The following ANXA8 variants were observed in gnomAD, a reference collection of about 807,000 sequenced individuals.
The protein encoded by ANXA8 is VAC-beta.
ANXA8 carries 9 observed loss-of-function variants against 26.8 expected under a neutral mutation model. The ratio of observed to expected loss-of-function variants is 0.34; its 90% CI spans 0.20 to 0.59. The LOEUF is 0.59. Among genes scored for constraint, ANXA8 ranks in the 20% least tolerant of loss-of-function variants. ANXA8 has a pLI of 0.84. For missense variants in ANXA8, 83 were observed against 238.5 expected (o/e 0.35, Z 4.29); for synonymous variants, 39 against 94.8 (o/e 0.41, Z 3.42).
chr10:47,779,010 G>C, the ANXA8 span, among the ~76,000 whole-genome samples: 1 of 151,326 alleles, frequency 6.6e-6, no homozygotes, highest in Non-Finnish European at 1.5e-5. Flanking sequence ...CATAACATCA[G>C]TTATATTTAC....
the ANXA8 span, among the ~76,000 whole-genome samples, chr10:47,669,632 A>G: frequency 4.8e-4 from 72 of 151,550 alleles, no homozygotes; most frequent in African/African-American, 1.6e-3. Context: ...GGAGGATCGC[A>G]TGAGCCTGGG....
chr10:47,676,950 A>G, the ANXA8 span, among the ~76,000 whole-genome samples: 3 of 143,674 alleles, frequency 2.1e-5, no homozygotes, highest in Admixed American at 2.1e-4. Context: ...AAGGAAAAAT[A>G]GAATGTTAAA....
At chr10:47,968,145 A>G in the ANXA8 span, among the ~76,000 whole-genome samples, 1 of 150,112 alleles carries the variant, frequency 6.7e-6, no homozygotes, top group East Asian at 2.0e-4. Context: ...AGGCCCTGCC[A>G]CCACTGTGCT....
At chr10:47,894,476 CACCACACACTGG>C in the ANXA8 span, among the ~76,000 whole-genome samples, 1 of 145,806 alleles carries the variant, frequency 6.9e-6, no homozygotes, top group African/African-American at 2.6e-5. Flanking sequence ...CCAAACACTG[CACCACACACTGG>C]ACCACACACA....
chr10:47,881,825 T>TG, the ANXA8 span, among the ~76,000 whole-genome samples: 1 of 135,520 alleles, frequency 7.4e-6, no homozygotes, highest in Admixed American at 7.3e-5. Flanking sequence ...ATGTGCATGT[T>TG]TGTGTGTGTG....
At chr10:47,881,838 G>GA in the ANXA8 span, among the ~76,000 whole-genome samples, 1 of 142,320 alleles carries the variant, frequency 7.0e-6, no homozygotes, top group Admixed American at 7.0e-5. Flanking sequence ...TGTGTGTGTG[G>GA]ATATTTATGG....
chr10:47,496,129 C>T, the ANXA8 span: 1 of 151,644 alleles, frequency 6.6e-6, no homozygotes, highest in Non-Finnish European at 1.5e-5. Context: ...GCTGACGCTT[C>T]TGTGCAGGAA....
the ANXA8 span, among the ~76,000 whole-genome samples, chr10:47,613,516 GC>G: frequency 1.8e-5 from 2 of 112,540 alleles, no homozygotes; most frequent in Non-Finnish European, 4.0e-5. Context: ...TTTACTCTGA[GC>G]CCAAGATATT....
chr10:47,779,253 C>T, the ANXA8 span, among the ~76,000 whole-genome samples: 1 of 105,866 alleles, frequency 9.4e-6, no homozygotes, highest in African/African-American at 3.9e-5. Flanking sequence ...TGGCAAGAAG[C>T]ATCCAGCAAA....
the ANXA8 span, among the ~76,000 whole-genome samples, chr10:47,637,329 G>A: frequency 1.3e-5 from 2 of 148,216 alleles, no homozygotes; most frequent in East Asian, 1.9e-4. Context: ...ATCCAGTCTC[G>A]TTGTTATAAA....
chr10:47,644,627 C>G, the ANXA8 span, among the ~76,000 whole-genome samples: 3 of 151,916 alleles, frequency 2.0e-5, no homozygotes, highest in African/African-American at 4.8e-5. Context: ...ATTGTCATTA[C>G]GTGTGTGTGG....
the ANXA8 span, among the ~76,000 whole-genome samples, chr10:47,952,013 T>A: frequency 1.3e-5 from 2 of 150,288 alleles, no homozygotes; most frequent in Admixed American, 6.6e-5. Flanking sequence ...CAGGTGATGA[T>A]CTAGATAGAT....
chr10:47,960,070 C>G, the ANXA8 span, among the ~76,000 whole-genome samples: 2 of 148,564 alleles, frequency 1.3e-5, no homozygotes, highest in African/African-American at 5.1e-5. Context: ...CAGGGAGAGA[C>G]CCCACACAAC....
chr10:47,948,753 C>G, the ANXA8 span, among the ~76,000 whole-genome samples: 6,457 of 148,288 alleles, frequency 0.044, 20 homozygotes, highest in Non-Finnish European at 0.064. Flanking sequence ...AACCACCCAT[C>G]CATGATGCTC....
chr10:47,777,498 A>G, the ANXA8 span, among the ~76,000 whole-genome samples: 2 of 152,158 alleles, frequency 1.3e-5, no homozygotes, highest in African/African-American at 4.8e-5. Context: ...ACCCTTACAT[A>G]CATTGCCTGC....
upstream of ANXA8, among the ~76,000 whole-genome samples, chr10:47,485,509 C>A (rs1396412168): frequency 2.6e-5 from 4 of 152,044 alleles, no homozygotes; most frequent in Non-Finnish European, 5.9e-5. Context: ...CTGGGCTGTT[C>A]ACAAACTGTG....
At chr10:47,664,917 G>A in the ANXA8 span, among the ~76,000 whole-genome samples, 1 of 142,010 alleles carries the variant, frequency 7.0e-6, no homozygotes, top group African/African-American at 2.8e-5. Context: ...TGTAGGGATG[G>A]AATTTTGCTA....
the ANXA8 span, chr10:47,564,785 G>T: frequency 1.2e-6 from 1 of 815,232 alleles, no homozygotes; most frequent in East Asian, 2.6e-5. Context: ...GCAGGAAGAC[G>T]TCCTGAACAA....
chr10:47,651,405 A>G, the ANXA8 span, among the ~76,000 whole-genome samples: 3 of 151,692 alleles, frequency 2.0e-5, no homozygotes, highest in African/African-American at 7.3e-5. Flanking sequence ...GCTATGGGAA[A>G]CAGTCTGGCA....
Sources: gnomAD v4.1 joint callset for allele counts (sites outside exome capture counted in the v4.1 genomes callset) on GRCh38, gnomAD v4.1.1 for gene constraint, MANE v1.5 for transcripts, NCBI Gene and HGNC (gene_info 2026-07-23, HGNC 2026-07-21) for gene names.